Variants in NHSL1 observed in about 807,000 individuals in gnomAD.
NHSL1 encodes NHS like 1.
Under a neutral mutation model 95.0 loss-of-function variants are expected in NHSL1, and 48 were observed. That is an observed-to-expected ratio of 0.51 (90% CI 0.40 to 0.64). The LOEUF is 0.64. Among genes scored for constraint, NHSL1 ranks in the 30% least tolerant of loss-of-function variants. The pLI is 0.00. For synonymous variants in NHSL1, 783 were observed against 833.9 expected, an observed-to-expected ratio of 0.94 and a Z score of 1.05; for missense variants, 1,971 against 2,077.7, an observed-to-expected ratio of 0.95 and a Z score of 1.00.
Position 138,423,593 on chromosome 6 carries a change from T to TGC in NHSL1, c.*487_*488insGC, listed in dbSNP as rs1775047222. The stretch of plus-strand genomic sequence containing the variant: ...ATTAAGAACCAGCAACTCTACTGCC[T>TGC]CTTTCTTGAAGTAACATCTTCTCCT... On this transcript the variant is annotated 3_prime_UTR_variant, in exon 8 of 8. Coordinates refer to ENST00000343505, the MANE Select transcript of NHSL1 (RefSeq NM_001144060.2). 2 of 152,400 alleles carry TGC rather than the reference T, an allele frequency of 1.3e-5. No individual in the cohort carries two copies. The highest frequency in any genetic ancestry group is 2.9e-5 in the Non-Finnish European group (2 of 68,210). 9.4% of individuals were successfully genotyped at this position (152,400 alleles called of 1,614,324 possible).
chr6:138,433,454 G>T lies in NHSL1; in HGVS notation c.891C>A (p.Ser297=). 1 of 1,552,298 alleles carries T rather than the reference G, an allele frequency of 6.4e-7. No individual in the cohort carries two copies. The highest frequency in any genetic ancestry group is 8.7e-7 in the Non-Finnish European group (1 of 1,147,130). ...IAAQMGHFSG[S]SGNMSVLSDS... ...CGCTCAGCACAGACATGTTGCCAGA[G>T]GAACCTGAGAAGTGGCCCATCTGGG... The change falls in exon 6 of 8, where the codon TCC becomes TCA. Residue 297 remains serine (S), a synonymous_variant. Transcript: ENST00000343505.
At chr6:138,540,690 T>C (rs1363214086) in intron 1 of NHSL1, among the ~76,000 whole-genome samples, 2 of 152,180 alleles carry the variant, frequency 1.3e-5, no homozygotes, top group South Asian at 2.1e-4. Context: ...ATGCCTGAGA[T>C]TGTTCATAGC....
chr6:138,466,787 CAT>C (rs1778408770), intron 3 of NHSL1, among the ~76,000 whole-genome samples: 1 of 151,956 alleles, frequency 6.6e-6, no homozygotes, highest in Admixed American at 6.6e-5. Context: ...AAATATGACA[CAT>C]ATAAAAATAT....
chr6:138,660,558 A>G (rs1355988981), intron 1 of NHSL1, among the ~76,000 whole-genome samples: 4 of 151,658 alleles, frequency 2.6e-5, no homozygotes, highest in Non-Finnish European at 5.9e-5. Flanking sequence ...GGAGAATGGC[A>G]TGAACCCGGG....
Position 138,464,715 on chromosome 6 carries a change from C to CTTTTTTTTTTTTTTTTTTTTTTTTTTTTT in NHSL1, c.339+8590_339+8591insAAAAAAAAAAAAAAAAAAAAAAAAAAAAA, listed in dbSNP as rs1157342436. ...TTCTCTTCACTTTTTTTTTTCTTTT[C>CTTTTTTTTTTTTTTTTTTTTTTTTTTTTT]TTTTTTTTTTTTTTTGAGACAGAGT... On this transcript the variant is annotated intron_variant, in intron 3 of 7. Coordinates refer to ENST00000343505, the MANE Select transcript of NHSL1 (RefSeq NM_001144060.2). 3.4e-5 allele frequency among the ~76,000 whole-genome samples: 4 copies of CTTTTTTTTTTTTTTTTTTTTTTTTTTTTT among 118,966 alleles called. 1 individual carries two copies. The highest frequency in any genetic ancestry group is 1.0e-4 in the African/African-American group (3 of 28,840). 78.0% of individuals were successfully genotyped at this position (118,966 alleles called of 152,430 possible).
At chr6:138,568,039 G>A (rs527757336) in intron 1 of NHSL1, among the ~76,000 whole-genome samples, 6 of 152,236 alleles carry the variant, frequency 3.9e-5, no homozygotes, top group Non-Finnish European at 8.8e-5. Context: ...GCAAGAAAGG[G>A]AAAGCACAGA....
intron 1 of NHSL1, among the ~76,000 whole-genome samples, chr6:138,614,239 C>T (rs899233900): frequency 1.3e-5 from 2 of 152,172 alleles, no homozygotes; most frequent in African/African-American, 2.4e-5. Flanking sequence ...ACCATTTGCT[C>T]TCTGACCTTC....
rs560919663 is a variant in NHSL1, at chr6:138,433,047, G to A, written c.1298C>T (p.Ala433Val). ...AGAACTTTTACTTTCCCGCTGTCCC[G>A]CACTCTGAGCAGTGGGAATAGCGAT... ...EVIAIPTAQSAGQRESKSSGS... is the reference protein window; with the variant it reads ...EVIAIPTAQSVGQRESKSSGS... Residue 433 changes from alanine to valine, a missense_variant, in exon 6 of 8, where the codon GCG becomes GTG. Coordinates refer to ENST00000343505, the MANE Select transcript of NHSL1 (RefSeq NM_001144060.2). 117 of 1,551,320 alleles carry A rather than the reference G, an allele frequency of 7.5e-5. 1 individual carries two copies. In the South Asian group the frequency reaches 1.1e-3, roughly 14 times the overall value.
chr6:138,434,006 G>A (rs1488576299), intron 5 of NHSL1, among the ~76,000 whole-genome samples: 2 of 152,132 alleles, frequency 1.3e-5, no homozygotes, highest in Non-Finnish European at 2.9e-5. Flanking sequence ...TCACCTTTCA[G>A]TAAAGTCTTC....
rs1036268371 is a variant in NHSL1 at position 138,496,152 on chromosome 6, A to G, written c.211+67T>C. ...AAAGTAGAGCTGGTTTTATAAATAG[A>G]TATCAAATTTATGCTCTCAGCAGCC... is the stretch of plus-strand genomic sequence containing the variant. On this transcript the variant is annotated intron_variant, in intron 2 of 7. Coordinates refer to ENST00000343505, the MANE Select transcript of NHSL1 (RefSeq NM_001144060.2). The G allele has an allele frequency of 1.8e-5, 27 of 1,460,572 alleles. No individual in the cohort carries two copies. In the East Asian group the frequency reaches 3.5e-4, roughly 19 times the overall value. 90.5% of individuals were successfully genotyped at this position (1,460,572 alleles called of 1,614,324 possible). A position where few individuals can be genotyped will look rare whatever the true frequency, so the allele number is the denominator to read the frequency against.
upstream of NHSL1, among the ~76,000 whole-genome samples, chr6:138,547,549 G>A (rs1372002820): frequency 6.6e-6 from 1 of 151,816 alleles, no homozygotes; most frequent in African/African-American, 2.4e-5. Context: ...CCCGGCTAAT[G>A]TTTTTTTGTA....
In NHSL1 at chr6:138,640,195, T is replaced by G. The variant is rs192412933; in HGVS notation, c.96+52281A>C. Among the ~76,000 whole-genome samples the G allele has an allele frequency of 2.6e-5, 4 of 152,270 alleles. No individual in the cohort carries two copies. The East Asian group carries it at 7.7e-4, about 29-fold the overall frequency. ...GTGCCCATCTAGTCTGCACCCTCTA[T>G]TATACAGTTAGGGAAATCCCAAGGC... is the stretch of plus-strand genomic sequence containing the variant. On this transcript the variant is annotated intron_variant, in intron 1 of 3. Transcript: ENST00000491526.
chr6:138,497,716 G>C (rs1208545304), intron 1 of NHSL1, among the ~76,000 whole-genome samples: 4 of 152,070 alleles, frequency 2.6e-5, no homozygotes, highest in African/African-American at 9.7e-5. Context: ...ATTCTAACGA[G>C]GCCCCAAACT....
chr6:138,423,891 C>T lies in NHSL1; in HGVS notation c.*190G>A, dbSNP rs1775067782. On this transcript the variant is annotated 3_prime_UTR_variant, in exon 8 of 8. Transcript: ENST00000343505. Reference sequence around the variant, plus strand: ...TTTAAGCTTCTACTTGTTCTTAAGCCACAGGGCAAGTGCCAGGTGAGTCCT... The same window carrying T: ...TTTAAGCTTCTACTTGTTCTTAAGCTACAGGGCAAGTGCCAGGTGAGTCCT... 2.3e-6 allele frequency: 1 copy of T among 432,074 alleles called. No individual in the cohort carries two copies. Among genetic ancestry groups the T allele is most frequent in the South Asian group, 1.3e-4 (1 of 7,806 alleles). The allele number at this position is 432,074 out of a possible 1,614,324, so 26.8% of individuals were successfully genotyped here.
rs1784410724 is a variant in NHSL1 at position 138,604,637 on chromosome 6, AT to A, written c.96+87838del. On this transcript the variant is annotated intron_variant, in intron 1 of 3. Coordinates refer to the NHSL1 transcript ENST00000491526. Reference sequence around the variant, plus strand: ...CACTATGATTTATTTATTTAAAATAATTTTTTTTGAGACAGTCTCACACTGT... The same window carrying A: ...CACTATGATTTATTTATTTAAAATAATTTTTTTGAGACAGTCTCACACTGT... 2.6e-5 allele frequency among the ~76,000 whole-genome samples: 4 copies of A among 152,086 alleles called. No individual in the cohort carries two copies. The East Asian group carries it at 7.7e-4, about 29-fold the overall frequency.
intron 1 of NHSL1, among the ~76,000 whole-genome samples, chr6:138,515,429 C>T (rs1251644960): frequency 2.0e-5 from 3 of 152,210 alleles, no homozygotes; most frequent in Non-Finnish European, 4.4e-5. Flanking sequence ...ACAACTTTCT[C>T]TTATGAAGCC....
At position 138,592,623 on chromosome 6, in the gene NHSL1, A is replaced by C. The variant is rs542103412; in HGVS notation, c.97-96252T>G. Among the ~76,000 whole-genome samples the C allele has an allele frequency of 4.6e-5, 7 of 151,948 alleles. No individual in the cohort carries two copies. The East Asian group carries it at 5.8e-4, about 13-fold the overall frequency. On this transcript the variant is annotated intron_variant, in intron 1 of 3. Coordinates refer to the NHSL1 transcript ENST00000491526. ...GCACAAAAAAACAAAAAACAACAAAAAACAAAAAACAACAACAAAAAAAAC... is the reference window on the plus strand; with the variant it reads ...GCACAAAAAAACAAAAAACAACAAACAACAAAAAACAACAACAAAAAAAAC...
chr6:138,577,146 C>T (rs1427751853), upstream of NHSL1, among the ~76,000 whole-genome samples: 1 of 152,178 alleles, frequency 6.6e-6, no homozygotes, highest in Admixed American at 6.5e-5. Flanking sequence ...TCAGCATATA[C>T]TGGCATCCTG....
chr6:138,635,950 T>TAA (rs930630887), intron 1 of NHSL1, among the ~76,000 whole-genome samples: 3,557 of 94,266 alleles, frequency 0.038, 205 homozygotes, highest in African/African-American at 0.14. Context: ...CCGTCTCTAC[T>TAA]AAAAAAAAAA....
Sources: gnomAD v4.1 joint callset for allele counts (sites outside exome capture counted in the v4.1 genomes callset) on GRCh38, gnomAD v4.1.1 for gene constraint, MANE v1.5 for transcripts, NCBI Gene and HGNC (gene_info 2026-07-23, HGNC 2026-07-21) for gene names.